Variants in NRCAM observed in about 807,000 individuals in gnomAD.
NRCAM encodes neuronal cell adhesion molecule, also known as NgCAM-related cell adhesion molecule.
In NRCAM, 83 loss-of-function variants were observed where a neutral mutation model predicts 156.5. The ratio of observed to expected loss-of-function variants is 0.53; its 90% CI spans 0.44 to 0.64. The LOEUF is 0.64. Among genes scored for constraint, NRCAM ranks in the 30% least tolerant of loss-of-function variants. The pLI is 0.00. For missense variants in NRCAM, 1,417 were observed against 1,597.3 expected, an observed-to-expected ratio of 0.89 and a Z score of 1.92; for synonymous variants, 538 against 563.9, an observed-to-expected ratio of 0.95 and a Z score of 0.65.
chr7:108,175,202 ATCTTC>A, intron 28 of NRCAM, 115 bp downstream of exon 28: 1 of 687,774 alleles, frequency 1.5e-6, no homozygotes, highest in Non-Finnish European at 2.3e-6. Flanking sequence ...ATTGGATGAG[ATCTTC>A]TCTTCTTTTG....
At chr7:108,283,578 T>C (rs569891700) in intron 3 of NRCAM, among the ~76,000 whole-genome samples, 3 of 152,300 alleles carry the variant, frequency 2.0e-5, no homozygotes, top group Admixed American at 2.0e-4. Context: ...GAGATAGGTT[T>C]GGAAAAGGCT....
chr7:108,275,684 G>C (rs1188119271), intron 3 of NRCAM, among the ~76,000 whole-genome samples: 1 of 152,106 alleles, frequency 6.6e-6, no homozygotes, highest in Non-Finnish European at 1.5e-5. Flanking sequence ...CAAAAAGCCA[G>C]CTCCTGGATT....
At chr7:108,232,905 T>C (rs752301305) in intron 6 of NRCAM, among the ~76,000 whole-genome samples, 1 of 152,168 alleles carries the variant, frequency 6.6e-6, no homozygotes, top group Non-Finnish European at 1.5e-5. Context: ...TATAAAAATT[T>C]GCTTGGGGCT....
chr7:108,283,159 T>A (rs1372911646), intron 3 of NRCAM, among the ~76,000 whole-genome samples: 1 of 152,242 alleles, frequency 6.6e-6, no homozygotes, highest in African/African-American at 2.4e-5. Flanking sequence ...TCACACATCA[T>A]TAAGCTTCTA....
At chr7:108,258,094 A>G (rs1045245725) in intron 3 of NRCAM, among the ~76,000 whole-genome samples, 1 of 152,182 alleles carries the variant, frequency 6.6e-6, no homozygotes, top group African/African-American at 2.4e-5. Flanking sequence ...CACACAGAGG[A>G]GTCTGGGTCT....
rs185256164 is a variant in NRCAM, at chr7:108,244,642, C to T, written c.-106-4472G>A. Among the ~76,000 whole-genome samples, 6 of 152,128 alleles carry T rather than the reference C, an allele frequency of 3.9e-5. No homozygotes were observed. In the East Asian group the frequency reaches 5.8e-4, roughly 15 times the overall value. On this transcript the variant is annotated intron_variant, in intron 3 of 32. Transcript: ENST00000379028. ...TAATGCACCTCAGAAAAAAGTAGTC[C>T]GGGATAATAGGACTATAGAGATGAT... is the stretch of plus-strand genomic sequence containing the variant.
At chr7:108,366,976 A>C (rs1238368404) in intron 2 of NRCAM, among the ~76,000 whole-genome samples, 1 of 152,248 alleles carries the variant, frequency 6.6e-6, no homozygotes, top group Non-Finnish European at 1.5e-5. Context: ...AACTGTATCC[A>C]AGGATAAGTG....
chr7:108,202,168 T>C (rs899428121), intron 13 of NRCAM, among the ~76,000 whole-genome samples: 3 of 152,082 alleles, frequency 2.0e-5, no homozygotes, highest in Non-Finnish European at 4.4e-5. Context: ...ACAGAATCCC[T>C]ACAAATAACT....
intron 2 of NRCAM, among the ~76,000 whole-genome samples, chr7:108,358,253 A>T (rs2099521423): frequency 6.6e-6 from 1 of 151,434 alleles, no homozygotes; most frequent in Admixed American, 6.6e-5. Context: ...ACAAAAAAAA[A>T]AAAAAAAAAG....
intron 3 of NRCAM, among the ~76,000 whole-genome samples, chr7:108,271,179 C>T (rs1467198944): frequency 6.6e-6 from 1 of 152,118 alleles, no homozygotes; most frequent in African/African-American, 2.4e-5. Context: ...CAAACAGCTA[C>T]CAGCAAGAAG....
intron 4 of NRCAM, 28 bp from the exon 5 acceptor site, chr7:108,237,797 A>G: frequency 6.3e-7 from 1 of 1,575,344 alleles, no homozygotes; most frequent in Non-Finnish European, 8.6e-7. Context: ...TCAGCAGGTA[A>G]GTGGGCAAAG....
intron 12 of NRCAM, 149 bp from the exon 13 acceptor site, chr7:108,207,808 T>C (rs2081969003): frequency 3.5e-6 from 2 of 575,258 alleles, no homozygotes; most frequent in Non-Finnish European, 5.8e-6. Flanking sequence ...TAAACAATGC[T>C]TCAAAGAACA....
At chr7:108,284,038 G>A (rs1368376251) in intron 3 of NRCAM, among the ~76,000 whole-genome samples, 1 of 151,916 alleles carries the variant, frequency 6.6e-6, no homozygotes, top group Non-Finnish European at 1.5e-5. Flanking sequence ...GTAGAGACGG[G>A]GTTTCACTAT....
chr7:108,314,186 C>A (rs373039905), intron 2 of NRCAM, among the ~76,000 whole-genome samples: 1 of 152,108 alleles, frequency 6.6e-6, no homozygotes, highest in Admixed American at 6.5e-5. Context: ...GTGATGTAAA[C>A]CCTGAAGGGT....
At chr7:108,387,613 G>A (rs894781968) in intron 2 of NRCAM, among the ~76,000 whole-genome samples, 4 of 151,766 alleles carry the variant, frequency 2.6e-5, no homozygotes, top group Admixed American at 1.3e-4. Flanking sequence ...TGTGCACAAC[G>A]TGCAGGTTTG....
At chr7:108,412,245 T>C (rs1228050503) in intron 1 of NRCAM, among the ~76,000 whole-genome samples, 1 of 96,680 alleles carries the variant, frequency 1.0e-5, no homozygotes, top group East Asian at 3.0e-4. Flanking sequence ...TTCTAGATTG[T>C]TGTTAAATTT....
At chr7:108,374,522 TGGA>T (rs2099658070) in intron 2 of NRCAM, among the ~76,000 whole-genome samples, 1 of 152,178 alleles carries the variant, frequency 6.6e-6, no homozygotes, top group Non-Finnish European at 1.5e-5. Context: ...GAATTCATTA[TGGA>T]GTACTCTCTT....
chr7:108,187,355 A>C (rs2067549351), intron 20 of NRCAM, among the ~76,000 whole-genome samples: 1 of 152,074 alleles, frequency 6.6e-6, no homozygotes, highest in Admixed American at 6.5e-5. Flanking sequence ...CTGGCATCCT[A>C]GCAGACATGC....
chr7:108,188,307 G>C (rs1203589835), intron 20 of NRCAM, among the ~76,000 whole-genome samples: 1 of 152,084 alleles, frequency 6.6e-6, no homozygotes, highest in Non-Finnish European at 1.5e-5. Flanking sequence ...CCTTAGAGAA[G>C]GAGAAGCAGA....
Sources: gnomAD v4.1 joint callset for allele counts (sites outside exome capture counted in the v4.1 genomes callset) on GRCh38, gnomAD v4.1.1 for gene constraint, MANE v1.5 for transcripts, NCBI Gene and HGNC (gene_info 2026-07-23, HGNC 2026-07-21) for gene names.